ALOX5: variants seen among roughly 807,000 people sequenced by gnomAD.
ALOX5 encodes arachidonate 5-lipoxygenase.
A neutral mutation model predicts 87.9 loss-of-function variants in ALOX5; 64 were observed. The observed-to-expected ratio is 0.73, with a 90% CI of 0.60 to 0.90. ALOX5 has a LOEUF of 0.90. Ranked by LOEUF, ALOX5 falls within the 40% of genes least tolerant of loss-of-function variation. The pLI is 0.00. For synonymous variants in ALOX5, 388 were observed against 355.1 expected (o/e 1.09, Z -1.04); for missense variants, 822 against 907.5 (o/e 0.91, Z 1.21).
intron 3 of ALOX5, 56 bp downstream of exon 3, chr10:45,395,992 G>C: frequency 6.4e-7 from 1 of 1,554,244 alleles, no homozygotes; most frequent in Admixed American, 1.7e-5. Context: ...TCTATCTCAA[G>C]AGCATGGTAT....
At chr10:45,405,180 C>A (rs1014699885) in intron 3 of ALOX5, among the ~76,000 whole-genome samples, 18 of 152,228 alleles carry the variant, frequency 1.2e-4, no homozygotes, top group Non-Finnish European at 2.9e-5. Context: ...TAATTAATGG[C>A]AGATCCATTT....
chr10:45,383,530 C>T (rs1839914028), intron 2 of ALOX5, among the ~76,000 whole-genome samples: 1 of 152,252 alleles, frequency 6.6e-6, no homozygotes, highest in Admixed American at 6.5e-5. Flanking sequence ...TAAGAGAAAG[C>T]CACTGCTTCT....
chr10:45,429,029 C>T lies in ALOX5; in HGVS notation c.981+265C>T, dbSNP rs78246652. On this transcript the variant is annotated intron_variant, in intron 7 of 13. Transcript: ENST00000374391. ...TGCACTCTCCACCCCAGCACCCTGACCAAGGGCCCCCAGTCAAGGTGCTGC... is the reference window on the plus strand; with the variant it reads ...TGCACTCTCCACCCCAGCACCCTGATCAAGGGCCCCCAGTCAAGGTGCTGC... Among the ~76,000 whole-genome samples, 890 of 152,234 alleles carry T rather than the reference C, an allele frequency of 5.8e-3. 10 individuals carry two copies. Among genetic ancestry groups the T allele is most frequent in the African/African-American group, 0.021 (853 of 41,534 alleles).
chr10:45,437,398 G>A (rs1363742996), intron 7 of ALOX5, among the ~76,000 whole-genome samples: 1 of 152,176 alleles, frequency 6.6e-6, no homozygotes, highest in African/African-American at 2.4e-5. Flanking sequence ...TTTGTATCTT[G>A]AGTGTAGAAA....
At chr10:45,392,114 C>T (rs1840302331) in intron 2 of ALOX5, among the ~76,000 whole-genome samples, 1 of 151,760 alleles carries the variant, frequency 6.6e-6, no homozygotes, top group Admixed American at 6.5e-5. Flanking sequence ...CGGCCAGCTG[C>T]CCCGTCCGGG....
chr10:45,389,335 A>G (rs974365678), intron 2 of ALOX5, among the ~76,000 whole-genome samples: 4 of 152,190 alleles, frequency 2.6e-5, no homozygotes, highest in African/African-American at 4.8e-5. Flanking sequence ...TTCAGGAAAT[A>G]CAGAGAACAC....
At chr10:45,413,271 TG>T (rs1264726075) in intron 4 of ALOX5, among the ~76,000 whole-genome samples, 7 of 152,180 alleles carry the variant, frequency 4.6e-5, no homozygotes, top group Non-Finnish European at 1.0e-4. Context: ...ATCCCTGGGA[TG>T]GAAGGCTGGT....
At chr10:45,395,791 A>G in intron 2 of ALOX5, 64 bp from the exon 3 acceptor site, 1 of 1,466,098 alleles carries the variant, frequency 6.8e-7, no homozygotes. Flanking sequence ...AAGCCTGAAC[A>G]CTTGGCATTG....
chr10:45,420,609 G>A (rs1431795728), intron 4 of ALOX5, among the ~76,000 whole-genome samples: 1 of 152,216 alleles, frequency 6.6e-6, no homozygotes, highest in African/African-American at 2.4e-5. Flanking sequence ...TCACCGAGGA[G>A]GCCTTCCCCG....
intron 2 of ALOX5, 63 bp downstream of exon 2, chr10:45,382,744 A>G (rs187316531): frequency 2.5e-5 from 38 of 1,542,558 alleles, no homozygotes; most frequent in Middle Eastern, 3.7e-4. Flanking sequence ...TCCTGTCCTC[A>G]AAGCACTGTA....
chr10:45,397,335 A>G (rs999498865), intron 3 of ALOX5, among the ~76,000 whole-genome samples: 1 of 152,324 alleles, frequency 6.6e-6, no homozygotes, highest in African/African-American at 2.4e-5. Flanking sequence ...AGCTGAGATC[A>G]TGCCACTGCA....
intron 1 of ALOX5, among the ~76,000 whole-genome samples, chr10:45,378,042 T>G (rs1839689449): frequency 6.6e-6 from 1 of 152,114 alleles, no homozygotes; most frequent in Non-Finnish European, 1.5e-5. Flanking sequence ...GTGTCCAGCC[T>G]TCCTCCTCCC....
At chr10:45,419,869 T>C (rs943044100) in intron 4 of ALOX5, among the ~76,000 whole-genome samples, 4 of 151,980 alleles carry the variant, frequency 2.6e-5, no homozygotes, top group African/African-American at 4.8e-5. Context: ...GGGAGGGACG[T>C]AGCAGCAGGA....
Position 45,443,187 on chromosome 10 carries a change from C to T in ALOX5, c.1422C>T (p.Asp474=), listed in dbSNP as rs543892108. 3.7e-6 allele frequency: 6 copies of T among 1,613,662 alleles called. No homozygotes were observed. The highest frequency in any genetic ancestry group is 3.3e-5 in the Admixed American group (2 of 60,006). ...EDIPYYFYRD[D]GLLVWEAIRT... is the part of the protein sequence containing the mutation. Reference sequence around the variant, plus strand: ...TCCCCTACTACTTCTACCGGGACGACGGGCTCCTGGTGTGGGAAGCCATCA... The same window carrying T: ...TCCCCTACTACTTCTACCGGGACGATGGGCTCCTGGTGTGGGAAGCCATCA... Residue 474 remains aspartate (D), a synonymous_variant, in exon 10 of 14, where the codon GAC becomes GAT. Transcript: ENST00000374391.
rs547442971 is a variant in ALOX5 at position 45,444,485 on chromosome 10, G to A, written c.1845+199G>A. 25 of 684,362 alleles carry A rather than the reference G, an allele frequency of 3.7e-5. No homozygotes were observed. The East Asian group carries it at 6.9e-4, about 19-fold the overall frequency. The allele number at this position is 684,362 out of a possible 1,614,324, so 42.4% of individuals were successfully genotyped here. A position where few individuals can be genotyped will look rare whatever the true frequency, so the allele number is the denominator to read the frequency against. On this transcript the variant is annotated intron_variant, in intron 13 of 13. Coordinates refer to ENST00000374391, the MANE Select transcript of ALOX5 (RefSeq NM_000698.5). The stretch of plus-strand genomic sequence containing the variant: ...CTGGACAGAGCTCAGGGTGTGCAGG[G>A]CAGGAGAGCACACAGCCCAGGCTTT...
intron 4 of ALOX5, among the ~76,000 whole-genome samples, chr10:45,420,063 A>T: frequency 6.6e-6 from 1 of 152,218 alleles, no homozygotes; most frequent in East Asian, 1.9e-4. Flanking sequence ...AAGTCACCAA[A>T]GCACTCATAG....
chr10:45,382,497 C>T lies in ALOX5; in HGVS notation c.165C>T (p.Asp55=), dbSNP rs754035883. The T allele has an allele frequency of 1.9e-5, 31 of 1,614,164 alleles. No individual in the cohort carries two copies. The highest frequency in any genetic ancestry group is 1.6e-4 in the Middle Eastern group (1 of 6,062). The change falls in exon 2 of 14, where the codon GAC becomes GAT. Residue 55 remains aspartate (D), a synonymous_variant. Coordinates refer to ENST00000374391, the MANE Select transcript of ALOX5 (RefSeq NM_000698.5). The stretch of plus-strand genomic sequence containing the variant: ...CTCCTTCCCAGGTGGATTCATACGA[C>T]GTGACTGTGGACGAGGAACTGGGCG... The part of the protein sequence containing the change: ...DFERGAVDSY[D]VTVDEELGEI...
In ALOX5 at chr10:45,399,886, G is replaced by A. The variant is rs184049550; in HGVS notation, c.431+3950G>A. ...AAATTTGTGAATCTCCAATAAGCAC[G>A]TGAAAATATGCTCAACATTATTAAT... On this transcript the variant is annotated intron_variant, in intron 3 of 13. Coordinates refer to ENST00000374391, the MANE Select transcript of ALOX5 (RefSeq NM_000698.5). 2.0e-5 allele frequency among the ~76,000 whole-genome samples: 3 copies of A among 152,138 alleles called. No homozygotes were observed. The South Asian group carries it at 6.2e-4, about 31-fold the overall frequency.
In ALOX5 at chr10:45,445,894, A is replaced by C. The variant is rs983241016; in HGVS notation, c.*207A>C. 3.5e-6 allele frequency: 2 copies of C among 567,484 alleles called. No homozygotes were observed. The highest frequency in any genetic ancestry group is 3.7e-5 in the African/African-American group (2 of 53,508). 35.2% of individuals were successfully genotyped at this position (567,484 alleles called of 1,614,324 possible). ...AGGGACCCATTCTACACAGAGCAGGACTGCACAGCGTCCTGTCCACACCCA... is the reference window on the plus strand; with the variant it reads ...AGGGACCCATTCTACACAGAGCAGGCCTGCACAGCGTCCTGTCCACACCCA... On this transcript the variant is annotated 3_prime_UTR_variant, in exon 14 of 14. Transcript: ENST00000374391.
Sources: allele counts gnomAD v4.1 joint callset (sites outside exome capture counted in the v4.1 genomes callset), GRCh38; gene constraint gnomAD v4.1.1; transcripts MANE v1.5; gene names NCBI Gene and HGNC (gene_info 2026-07-23, HGNC 2026-07-21).